The following FOXN3 variants were observed in gnomAD, a reference collection of about 807,000 sequenced individuals.
FOXN3 encodes forkhead box protein N3.
In FOXN3, 7 loss-of-function variants were observed where a neutral mutation model predicts 38.4. The ratio of observed to expected loss-of-function variants is 0.18; its 90% confidence interval spans 0.10 to 0.34. FOXN3 has a LOEUF of 0.34. FOXN3 is among the 10% of genes least tolerant of loss of function. FOXN3 has a pLI of 1.00. For synonymous variants in FOXN3, 230 were observed against 242.2 expected (o/e 0.95, Z 0.47); for missense variants, 456 against 613.4 (o/e 0.74, Z 2.71).
chr14:89,434,192 G>A (rs937241490), intron 1 of FOXN3, among the ~76,000 whole-genome samples: 8 of 150,520 alleles, frequency 5.3e-5, no homozygotes, highest in Non-Finnish European at 1.2e-4. Flanking sequence ...CAAAGTGCTG[G>A]GATTACAGAC....
intron 1 of FOXN3, among the ~76,000 whole-genome samples, chr14:89,569,074 G>A (rs1156498800): frequency 1.3e-5 from 2 of 152,092 alleles, no homozygotes; most frequent in African/African-American, 2.4e-5. Context: ...GCGTGGTGGC[G>A]GGTGCCTATA....
intron 2 of FOXN3, among the ~76,000 whole-genome samples, chr14:89,379,977 C>T (rs1015785014): frequency 6.6e-6 from 1 of 152,116 alleles, no homozygotes; most frequent in Non-Finnish European, 1.5e-5. Context: ...AATTCAAACG[C>T]AGAATAACAG....
At chr14:89,591,745 G>A (rs559536470) in intron 1 of FOXN3, among the ~76,000 whole-genome samples, 3 of 152,092 alleles carry the variant, frequency 2.0e-5, no homozygotes, top group South Asian at 2.1e-4. Flanking sequence ...GGCAACATAC[G>A]GAGACACCAT....
intron 1 of FOXN3, among the ~76,000 whole-genome samples, chr14:89,550,534 C>T (rs1894982693): frequency 6.6e-6 from 1 of 152,082 alleles, no homozygotes. Context: ...TCTGCATCGC[C>T]CAGGGATAAA....
chr14:89,403,072 C>T (rs1454795269), intron 2 of FOXN3, among the ~76,000 whole-genome samples: 3 of 152,332 alleles, frequency 2.0e-5, no homozygotes, highest in East Asian at 1.9e-4. Flanking sequence ...ACCAATCTCA[C>T]ACTGATCGGC....
intron 3 of FOXN3, among the ~76,000 whole-genome samples, chr14:89,308,572 A>C (rs1166054505): frequency 1.3e-5 from 2 of 152,080 alleles, no homozygotes; most frequent in Non-Finnish European, 2.9e-5. Flanking sequence ...TGTCCTTATA[A>C]CGCCTGAACC....
chr14:89,396,872 G>A (rs1447139596), intron 2 of FOXN3, among the ~76,000 whole-genome samples: 1 of 143,368 alleles, frequency 7.0e-6, no homozygotes, highest in Non-Finnish European at 1.5e-5. Context: ...GAAATATGCT[G>A]CAGTAGACTT....
intron 2 of FOXN3, among the ~76,000 whole-genome samples, chr14:89,367,733 C>G (rs1340587865): frequency 1.3e-5 from 2 of 152,254 alleles, no homozygotes; most frequent in African/African-American, 4.8e-5. Flanking sequence ...TGACCTGGCC[C>G]CTGGGAACAG....
chr14:89,204,363 GATTCTCA>G (rs146067017), intron 4 of FOXN3, among the ~76,000 whole-genome samples: 5,458 of 152,166 alleles, frequency 0.036, 330 homozygotes, highest in African/African-American at 0.12. Context: ...GGGGGCTGCT[GATTCTCA>G]ATTCTCACAG....
At chr14:89,521,358 T>TAGATAGAGAGAG (rs554058509) in intron 1 of FOXN3, among the ~76,000 whole-genome samples, 113 of 125,056 alleles carry the variant, frequency 9.0e-4, no homozygotes, top group South Asian at 1.4e-3. Context: ...AGATGATAGA[T>TAGATAGAGAGAG]AGAGAGAGAG....
chr14:89,605,804 A>G (rs940898933), intron 1 of FOXN3, among the ~76,000 whole-genome samples: 3 of 152,182 alleles, frequency 2.0e-5, no homozygotes, highest in African/African-American at 7.2e-5. Context: ...GTGTAAGAAG[A>G]ATAAAGATAC....
intron 2 of FOXN3, among the ~76,000 whole-genome samples, chr14:89,352,470 A>G (rs1889014616): frequency 6.6e-6 from 1 of 152,162 alleles, no homozygotes; most frequent in African/African-American, 2.4e-5. Context: ...TAACTACCAA[A>G]TTTGGAAAAC....
rs1174562397 is a variant in FOXN3, at chr14:89,363,979, TATATATATA to T, written c.544-13180_544-13172del. Among the ~76,000 whole-genome samples, 24 of 88,948 alleles carry T rather than the reference TATATATATA, an allele frequency of 2.7e-4. No homozygotes were observed. In the East Asian group the frequency reaches 2.8e-3, roughly 10 times the overall value. 58.4% of individuals were successfully genotyped at this position (88,948 alleles called of 152,430 possible). On this transcript the variant is annotated intron_variant, in intron 2 of 5. Coordinates refer to ENST00000557258, the MANE Select transcript of FOXN3 (RefSeq NM_005197.4). The stretch of plus-strand genomic sequence containing the variant: ...ATATATATATATATATATATATATA[TATATATATA>T]ATATATATATATATTCTTCCATATC...
At chr14:89,342,755 T>A (rs975196711) in intron 3 of FOXN3, among the ~76,000 whole-genome samples, 3 of 152,214 alleles carry the variant, frequency 2.0e-5, no homozygotes, top group Non-Finnish European at 4.4e-5. Context: ...TTGATTTTTT[T>A]AAATTTAATA....
chr14:89,618,090 A>T (rs1437162130), intron 1 of FOXN3, among the ~76,000 whole-genome samples: 1 of 152,134 alleles, frequency 6.6e-6, no homozygotes, highest in Non-Finnish European at 1.5e-5. Context: ...AGCCAGTCGC[A>T]CCCTGCCTAC....
chr14:89,553,732 C>T (rs1198865632), intron 1 of FOXN3, among the ~76,000 whole-genome samples: 1 of 152,126 alleles, frequency 6.6e-6, no homozygotes, highest in Non-Finnish European at 1.5e-5. Context: ...ATCACAACTA[C>T]TCAAGGATTA....
intron 1 of FOXN3, among the ~76,000 whole-genome samples, chr14:89,599,377 G>A (rs1566713953): frequency 1.3e-5 from 2 of 151,992 alleles, no homozygotes; most frequent in Non-Finnish European, 2.9e-5. Context: ...GATTTTAACT[G>A]CAGTAATTGT....
Position 89,158,015 on chromosome 14 carries a change from G to A in FOXN3, c.*4399C>T, listed in dbSNP as rs1446216671. The A allele has an allele frequency of 2.0e-5, 3 of 152,512 alleles. No homozygotes were observed. The highest frequency in any genetic ancestry group is 7.2e-5 in the African/African-American group (3 of 41,448). 9.4% of individuals were successfully genotyped at this position (152,512 alleles called of 1,614,324 possible). A position where few individuals can be genotyped will look rare whatever the true frequency, so the allele number is the denominator to read the frequency against. On this transcript the variant is annotated 3_prime_UTR_variant, in exon 6 of 6. Coordinates refer to ENST00000557258, the MANE Select transcript of FOXN3 (RefSeq NM_005197.4). Reference sequence around the variant, plus strand: ...CAGCTGTGATCCACCAGAAAGAAACGAGTCCCAACCTGGATTAAAGGGAAA... The same window carrying A: ...CAGCTGTGATCCACCAGAAAGAAACAAGTCCCAACCTGGATTAAAGGGAAA...
At chr14:89,340,648 T>C (rs1255968762) in intron 3 of FOXN3, among the ~76,000 whole-genome samples, 1 of 152,082 alleles carries the variant, frequency 6.6e-6, no homozygotes, top group Non-Finnish European at 1.5e-5. Context: ...GGCTCTTCCA[T>C]GGAGATTTAT....
Sources: gnomAD v4.1 joint callset for allele counts (sites outside exome capture counted in the v4.1 genomes callset) on GRCh38, gnomAD v4.1.1 for gene constraint, MANE v1.5 for transcripts, NCBI Gene and HGNC (gene_info 2026-07-23, HGNC 2026-07-21) for gene names.